The following KSR2 variants were observed in gnomAD, a reference collection of about 807,000 sequenced individuals.
The protein encoded by KSR2 is kinase suppressor of ras 2.
In KSR2, 25 loss-of-function variants were observed where a neutral mutation model predicts 107.8. That is an observed-to-expected ratio of 0.23 (90% CI 0.17 to 0.32). KSR2 has a LOEUF of 0.32. KSR2 is among the 10% of genes least tolerant of loss of function. KSR2 has a pLI of 1.00. For missense variants in KSR2, 887 were observed against 1,268.9 expected, an observed-to-expected ratio of 0.70 and a Z score of 4.57; for synonymous variants, 480 against 507.0, an observed-to-expected ratio of 0.95 and a Z score of 0.71.
At chr12:117,554,788 A>G (rs894269709) in intron 9 of KSR2, among the ~76,000 whole-genome samples, 9 of 152,068 alleles carry the variant, frequency 5.9e-5, no homozygotes, top group Non-Finnish European at 1.2e-4. Context: ...GAATTACCCA[A>G]TCTCAGGTAT....
At position 117,947,030 on chromosome 12, in the gene KSR2, G is replaced by A. The variant is rs192500885; in HGVS notation, c.180+21046C>T. ...AAATACAAAAAAAAATTAGCTGGGT[G>A]TGGTGGTGCATGCCTGTAATCCCAG... On this transcript the variant is annotated intron_variant, in intron 1 of 19. Transcript: ENST00000339824. Among the ~76,000 whole-genome samples the A allele has an allele frequency of 3.4e-3, 514 of 151,730 alleles. 3 individuals carry two copies. The highest frequency in any genetic ancestry group is 0.012 in the African/African-American group (490 of 41,378).
chr12:117,965,372 T>G (rs1049059225), intron 1 of KSR2, among the ~76,000 whole-genome samples: 7 of 152,246 alleles, frequency 4.6e-5, no homozygotes, highest in African/African-American at 1.7e-4. Flanking sequence ...CTGCTAGGAT[T>G]GGGTTTTCCA....
intron 1 of KSR2, among the ~76,000 whole-genome samples, chr12:117,933,629 T>C (rs985754840): frequency 6.6e-6 from 1 of 152,104 alleles, no homozygotes; most frequent in African/African-American, 2.4e-5. Flanking sequence ...TATCTGAAAT[T>C]CAAATTTAAA....
At chr12:117,596,106 C>A (rs2068572936) in intron 5 of KSR2, among the ~76,000 whole-genome samples, 1 of 141,200 alleles carries the variant, frequency 7.1e-6, no homozygotes, top group South Asian at 2.6e-4. Context: ...AAAGACATAT[C>A]TGAGACTGGG....
chr12:117,878,584 G>C (rs1291025484), intron 1 of KSR2, among the ~76,000 whole-genome samples: 1 of 152,180 alleles, frequency 6.6e-6, no homozygotes, highest in Admixed American at 6.5e-5. Flanking sequence ...CTGCACTGCT[G>C]GGGGTACTGA....
rs1247742009 is a variant in KSR2, at chr12:117,761,212, G to A, written c.785C>T (p.Pro262Leu). The A allele has an allele frequency of 2.6e-6, 4 of 1,565,932 alleles. No individual in the cohort carries two copies. The South Asian group carries it at 3.6e-5, about 14-fold the overall frequency. ...PRQRHAVRTP[P>L]RTPNIVTTVT... ...GGTGGTGACGATGTTGGGGGTGCGC[G>A]GCGGGGTGCGGACCGCGTGCCGCTG... Residue 262 changes from proline to leucine, a missense_variant, in exon 4 of 20, where the codon CCG becomes CTG. Transcript: ENST00000339824.
intron 1 of KSR2, among the ~76,000 whole-genome samples, chr12:117,906,060 C>A (rs202036145): frequency 3.4e-5 from 5 of 147,532 alleles, no homozygotes; most frequent in Non-Finnish European, 7.5e-5. Context: ...CTTAAAAAAA[C>A]CGCTTGCCAG....
chr12:117,634,328 A>G (rs1008483831), intron 5 of KSR2, among the ~76,000 whole-genome samples: 1 of 152,164 alleles, frequency 6.6e-6, no homozygotes, highest in African/African-American at 2.4e-5. Context: ...TGGAAGGAGA[A>G]AGACAAAATA....
Position 117,761,472 on chromosome 12 carries a change from C to A in KSR2, c.525G>T (p.Thr175=), listed in dbSNP as rs751706259. The change falls in exon 4 of 20, where the codon ACG becomes ACT. Residue 175 remains threonine, a synonymous_variant. Transcript: ENST00000339824. ...GGCACACGGGATTGTTCTCCTTCCC[C>A]GTCTCTGTCGTGGGCCACTGGATGG... The part of the protein sequence containing the change: ...DWTIQWPTTE[T]GKENNPVCPP... 1.2e-6 allele frequency: 2 copies of A among 1,613,224 alleles called. No individual in the cohort carries two copies. Among genetic ancestry groups the A allele is most frequent in the South Asian group, 1.1e-5 (1 of 91,048 alleles).
At chr12:117,554,304 G>T (rs1487004786) in intron 9 of KSR2, among the ~76,000 whole-genome samples, 1 of 152,138 alleles carries the variant, frequency 6.6e-6, no homozygotes, top group Non-Finnish European at 1.5e-5. Context: ...ACCTGTCTGA[G>T]GGTAGAAGCC....
At chr12:117,725,600 T>C (rs577890908) in intron 4 of KSR2, among the ~76,000 whole-genome samples, 2 of 152,228 alleles carry the variant, frequency 1.3e-5, no homozygotes, top group African/African-American at 2.4e-5. Flanking sequence ...AAATAGAACA[T>C]TGACAACTTT....
intron 9 of KSR2, among the ~76,000 whole-genome samples, chr12:117,543,330 T>C (rs2137295918): frequency 6.6e-6 from 1 of 152,350 alleles, no homozygotes; most frequent in Middle Eastern, 3.4e-3. Context: ...TGGAGTGTAG[T>C]GATATCTCAT....
chr12:117,805,109 A>T (rs1045026892), intron 3 of KSR2, among the ~76,000 whole-genome samples: 4 of 152,198 alleles, frequency 2.6e-5, no homozygotes, highest in African/African-American at 9.6e-5. Context: ...GGATGAGTTG[A>T]TCACTCCCTC....
intron 10 of KSR2, among the ~76,000 whole-genome samples, chr12:117,536,458 T>C (rs545609178): frequency 2.2e-4 from 34 of 152,328 alleles, no homozygotes; most frequent in African/African-American, 7.7e-4. Context: ...GATTCTAAAA[T>C]GGATGCACAC....
intron 3 of KSR2, among the ~76,000 whole-genome samples, chr12:117,853,624 G>A (rs1387221010): frequency 1.3e-5 from 2 of 152,098 alleles, no homozygotes; most frequent in Non-Finnish European, 2.9e-5. Flanking sequence ...TTACAGGTGT[G>A]AGCCACCATG....
chr12:117,913,658 C>A (rs1895091358), intron 1 of KSR2, among the ~76,000 whole-genome samples: 1 of 152,180 alleles, frequency 6.6e-6, no homozygotes, highest in Admixed American at 6.5e-5. Flanking sequence ...ACGTGAGGAG[C>A]CCCCAGAAGC....
At chr12:117,557,452 C>G (rs1877783806) in intron 8 of KSR2, among the ~76,000 whole-genome samples, 2 of 152,152 alleles carry the variant, frequency 1.3e-5, no homozygotes, top group Admixed American at 6.5e-5. Context: ...CCTGCAGATC[C>G]TGTTTAAAAA....
At chr12:117,875,704 G>C (rs1893820134) in intron 1 of KSR2, among the ~76,000 whole-genome samples, 1 of 152,164 alleles carries the variant, frequency 6.6e-6, no homozygotes, top group South Asian at 2.1e-4. Context: ...TCTTCTGTCA[G>C]CTTTAGGCAT....
At chr12:117,746,959 T>C (rs1395623445) in intron 4 of KSR2, among the ~76,000 whole-genome samples, 7 of 152,046 alleles carry the variant, frequency 4.6e-5, no homozygotes, top group South Asian at 2.1e-4. Flanking sequence ...TGTGGAGAAA[T>C]AGGAATGCTT....
Sources: allele counts gnomAD v4.1 joint callset (sites outside exome capture counted in the v4.1 genomes callset), GRCh38; gene constraint gnomAD v4.1.1; transcripts MANE v1.5; gene names NCBI Gene and HGNC (gene_info 2026-07-23, HGNC 2026-07-21).